HSF2BP: variants seen among roughly 807,000 people sequenced by gnomAD.
HSF2BP encodes heat shock factor 2-binding protein.
Under a neutral mutation model 35.0 loss-of-function variants are expected in HSF2BP, and 35 were observed. The observed-to-expected ratio is 1.00, with a 90% confidence interval of 0.76 to 1.32. The LOEUF (loss-of-function observed/expected upper bound fraction) is 1.32. Among genes scored for constraint, HSF2BP ranks in the 40% most tolerant of loss-of-function variants. HSF2BP has a pLI of 0.00. For synonymous variants in HSF2BP, 114 were observed against 117.4 expected (o/e 0.97, Z 0.18); for missense variants, 326 against 321.7 (o/e 1.01, Z -0.10).
chr21:43,647,338 T>C (rs2082721793), intron 3 of HSF2BP, among the ~76,000 whole-genome samples: 1 of 152,092 alleles, frequency 6.6e-6, no homozygotes, highest in Admixed American at 6.6e-5. Context: ...GTGATCCTCT[T>C]AACTCAGCCT....
intron 7 of HSF2BP, among the ~76,000 whole-genome samples, chr21:43,601,482 G>C (rs2082051425): frequency 6.6e-6 from 1 of 151,836 alleles, no homozygotes; most frequent in African/African-American, 2.4e-5. Flanking sequence ...TTGGTTATTT[G>C]CCTTTTCCTT....
rs148591527 is a variant in HSF2BP, at chr21:43,630,379, G to T, written c.517C>A (p.Gln173Lys). The part of the protein sequence containing the change: ...SFVKSLDGDV[Q>K]ELDSDESQFV... ...TGACTTTCATCCGAATCCAGCTCCT[G>T]GACATCACCGTCTAACGACTTCACA... The change falls in exon 6 of 9, where the codon CAG becomes AAG. Residue 173 changes from glutamine (Q) to lysine (K), a missense_variant. Transcript: ENST00000291560. 6.8e-6 allele frequency: 11 copies of T among 1,613,136 alleles called. No individual in the cohort carries two copies. Among genetic ancestry groups the T allele is most frequent in the Non-Finnish European group, 8.5e-6 (10 of 1,179,750 alleles).
At chr21:43,592,370 A>G (rs2081937818) in intron 7 of HSF2BP, 42 bp from the exon 8 acceptor site, 2 of 1,286,754 alleles carry the variant, frequency 1.6e-6, no homozygotes, top group East Asian at 4.6e-5. Context: ...CTCCATCCAC[A>G]CTACATTTCA....
chr21:43,623,302 T>G (rs1300593110), intron 6 of HSF2BP, among the ~76,000 whole-genome samples: 3 of 152,090 alleles, frequency 2.0e-5, no homozygotes, highest in African/African-American at 7.2e-5. Flanking sequence ...CTCTAGGACA[T>G]GGCAAAAGCG....
chr21:43,579,632 T>C (rs1036848042), intron 8 of HSF2BP, among the ~76,000 whole-genome samples: 64 of 152,180 alleles, frequency 4.2e-4, no homozygotes, highest in African/African-American at 1.4e-3. Flanking sequence ...TCAACCTTAC[T>C]ACCCGCCCCT....
intron 7 of HSF2BP, among the ~76,000 whole-genome samples, chr21:43,600,797 A>G (rs1256324723): frequency 6.6e-6 from 1 of 152,202 alleles, no homozygotes; most frequent in African/African-American, 2.4e-5. Flanking sequence ...CCCTTGGTGA[A>G]CGCTACCCAA....
At chr21:43,635,078 CA>C (rs367853157) in intron 4 of HSF2BP, among the ~76,000 whole-genome samples, 25 of 145,454 alleles carry the variant, frequency 1.7e-4, no homozygotes, top group East Asian at 1.4e-3. Context: ...ATAATAATAT[CA>C]AAAAAAAAAC....
intron 8 of HSF2BP, among the ~76,000 whole-genome samples, chr21:43,581,822 CGGGAGATGAGGGCCTGCTGA>C (rs201542766): frequency 7.5e-6 from 1 of 133,188 alleles, no homozygotes; most frequent in Non-Finnish European, 1.6e-5. Flanking sequence ...GTCTGTGCTG[CGGGAGATGAGGGCCTGCTGA>C]GGGAGATGAG....
chr21:43,575,377 G>A (rs917009882), intron 8 of HSF2BP, among the ~76,000 whole-genome samples: 5 of 152,112 alleles, frequency 3.3e-5, no homozygotes, highest in East Asian at 1.9e-4. Flanking sequence ...AATTACACCC[G>A]CCACCTAAGC....
rs898177498 is a variant in HSF2BP, at chr21:43,657,745, G to T, written c.36+316C>A. The T allele has an allele frequency of 1.7e-5, 13 of 773,934 alleles. No individual in the cohort carries two copies. In the African/African-American group the frequency reaches 2.3e-4, roughly 13 times the overall value. The allele number at this position is 773,934 out of a possible 1,614,324, so 47.9% of individuals were successfully genotyped here. A position where few individuals can be genotyped will look rare whatever the true frequency, so the allele number is the denominator to read the frequency against. On this transcript the variant is annotated intron_variant, in intron 2 of 8. Coordinates refer to ENST00000291560, the MANE Select transcript of HSF2BP (RefSeq NM_007031.2). Reference sequence around the variant, plus strand: ...GCAGGGGGCCAGGGCCTTCGGAGGGGAACTGGGCTTCCACGGAGCAGAGAA... The same window carrying T: ...GCAGGGGGCCAGGGCCTTCGGAGGGTAACTGGGCTTCCACGGAGCAGAGAA...
rs2082680971 is a variant in HSF2BP, at chr21:43,644,359, A to G, written c.221T>C (p.Leu74Pro). The G allele has an allele frequency of 1.2e-6, 2 of 1,613,986 alleles. No individual in the cohort carries two copies. The highest frequency in any genetic ancestry group is 1.7e-6 in the Non-Finnish European group (2 of 1,179,982). The change falls in exon 4 of 9, where the codon CTG (leucine) becomes CCG (proline). Residue 74 changes from leucine (L) to proline (P), a missense_variant. Leu to Pro is a moderately conservative substitution (Grantham distance 98). Transcript: ENST00000291560. ...TTTAAAGTGCTCACAATCCATTTTC[A>G]GCTGCTCTAATTCTTGCTCTTTCCT... is the stretch of plus-strand genomic sequence containing the variant. Reference protein sequence around the residue: ...LERKEQELEQLKMDCEHFKAR... With the variant: ...LERKEQELEQPKMDCEHFKAR...
chr21:43,593,853 A>G (rs2081955512), intron 7 of HSF2BP, among the ~76,000 whole-genome samples: 1 of 152,192 alleles, frequency 6.6e-6, no homozygotes. Flanking sequence ...TAGGGTCCAC[A>G]AAGAAAGAAC....
rs1388532849 is a variant in HSF2BP, at chr21:43,597,484, AT to A, written c.693-5157del. On this transcript the variant is annotated intron_variant, in intron 7 of 8. Transcript: ENST00000291560. The surrounding 1 kb of genome is among the most constrained non-coding windows in gnomAD (Gnocchi z 4.3). Reference sequence around the variant, plus strand: ...AAATGTAATGCAATATTTTAAAAAAATATATTAAAAATGCCCTAATAAGCAA... The same window carrying A: ...AAATGTAATGCAATATTTTAAAAAAAATATTAAAAATGCCCTAATAAGCAA... 6.6e-6 allele frequency among the ~76,000 whole-genome samples: 1 copy of A among 152,216 alleles called. No homozygotes were observed. The highest frequency in any genetic ancestry group is 2.4e-5 in the African/African-American group (1 of 41,448).
rs1321470514 is a variant in HSF2BP, at chr21:43,658,070, C to G, written c.27G>C (p.Glu9Asp). ...GGGCTTCCTCACTAACCCGGCAGGC[C>G]TCCTCAGCGGCGCCCGCTTCGCCCA... MGEAGAAE[E>D]ACRHMGTKEE... The change falls in exon 2 of 9, where the codon GAG becomes GAC. Residue 9 changes from glutamate (E) to aspartate (D), a missense_variant. Coordinates refer to ENST00000291560, the MANE Select transcript of HSF2BP (RefSeq NM_007031.2). 3.3e-6 allele frequency: 5 copies of G among 1,535,640 alleles called. No individual in the cohort carries two copies. In the African/African-American group the frequency reaches 6.9e-5, roughly 21 times the overall value.
At chr21:43,602,018 T>C (rs894668159) in intron 7 of HSF2BP, among the ~76,000 whole-genome samples, 1 of 152,186 alleles carries the variant, frequency 6.6e-6, no homozygotes, top group African/African-American at 2.4e-5. Flanking sequence ...AAATGCACAG[T>C]AACACTCTGT....
Position 43,572,172 on chromosome 21 carries a change from G to C in HSF2BP, c.796+20053C>G, listed in dbSNP as rs371101038. On this transcript the variant is annotated intron_variant, in intron 8 of 8. Coordinates refer to ENST00000291560, the MANE Select transcript of HSF2BP (RefSeq NM_007031.2). ...ATACCATCAGCCAGGATGTGCAAGAGAGAACACAGGGCGAGCCCCAGGGGA... is the reference window on the plus strand; with the variant it reads ...ATACCATCAGCCAGGATGTGCAAGACAGAACACAGGGCGAGCCCCAGGGGA... 4.1e-4 allele frequency among the ~76,000 whole-genome samples: 62 copies of C among 152,308 alleles called. 1 individual carries two copies. The South Asian group carries it at 6.4e-3, about 16-fold the overall frequency.
At chr21:43,612,796 G>A (rs879876686) in intron 7 of HSF2BP, among the ~76,000 whole-genome samples, 3 of 151,916 alleles carry the variant, frequency 2.0e-5, no homozygotes, top group Admixed American at 1.3e-4. Context: ...GTAGAGACTC[G>A]GTCTCTTTAA....
chr21:43,608,794 C>T (rs1053581384), intron 7 of HSF2BP, among the ~76,000 whole-genome samples: 8 of 151,366 alleles, frequency 5.3e-5, no homozygotes, highest in African/African-American at 9.7e-5. Context: ...AGACCCCTAT[C>T]GCTACCAAAA....
intron 7 of HSF2BP, among the ~76,000 whole-genome samples, chr21:43,595,236 T>C (rs11909195): frequency 0.041 from 6,229 of 152,062 alleles, 438 homozygotes; most frequent in African/African-American, 0.14. Flanking sequence ...CATTCCAGCC[T>C]GGGCAACAGA....
Sources: allele counts gnomAD v4.1 joint callset (sites outside exome capture counted in the v4.1 genomes callset), GRCh38; gene constraint gnomAD v4.1.1; non-coding constraint Gnocchi (gnomAD v3.1); transcripts MANE v1.5; gene names NCBI Gene and HGNC (gene_info 2026-07-23, HGNC 2026-07-21).